NLRP1: variants seen among roughly 807,000 people sequenced by gnomAD.
NLRP1 encodes NACHT, LRR and PYD domains-containing protein 1.
NLRP1 carries 94 observed loss-of-function variants against 136.7 expected under a neutral mutation model. The observed-to-expected ratio is 0.69, with a 90% CI of 0.58 to 0.82. The LOEUF is 0.82. Ranked by LOEUF, NLRP1 falls within the 40% of genes least tolerant of loss-of-function variation. The pLI is 0.00. For synonymous variants in NLRP1, 690 were observed against 725.1 expected (o/e 0.95, Z 0.78); for missense variants, 1,575 against 1,802.7 (o/e 0.87, Z 2.29).
At chr17:5,505,925 A>T (rs1907309349) in intron 15 of NLRP1, 1 of 152,228 alleles carries the variant, frequency 6.6e-6, no homozygotes, top group Non-Finnish European at 1.5e-5. Flanking sequence ...GATCTTCCTC[A>T]GAGAGAATAG....
In NLRP1 at chr17:5,559,713, C is replaced by A. The variant is rs202119862; in HGVS notation, c.983G>T (p.Arg328Leu). Residue 328 changes from arginine (R) to leucine (L), a missense_variant, in exon 4 of 17, where the codon CGC becomes CTC. Transcript: ENST00000572272. ...FGPGLDTQEP[R>L]IVILQGAAGI... ...AGCAGCCCCCTGCAGTATGACTATG[C>A]GAGGTTCTTGGGTATCCAGGCCTGG... The A allele has an allele frequency of 3.7e-6, 6 of 1,614,118 alleles. No homozygotes were observed. In the African/African-American group the frequency reaches 5.3e-5, roughly 14 times the overall value.
downstream of NLRP1, chr17:5,512,185 T>G: frequency 3.4e-6 from 4 of 1,175,494 alleles, no homozygotes; most frequent in Admixed American, 6.8e-5. Flanking sequence ...AGGGCAATCT[T>G]TCTTTAAATG....
chr17:5,582,143 A>G (rs556277514), intron 2 of NLRP1, 81 bp from the exon 3 acceptor site: 7 of 1,099,126 alleles, frequency 6.4e-6, no homozygotes, highest in Non-Finnish European at 8.0e-6. Context: ...CTCTCACAAC[A>G]GTCCTGAGAG....
intron 3 of NLRP1, among the ~76,000 whole-genome samples, chr17:5,579,592 C>G (rs767087577): frequency 3.9e-5 from 6 of 152,150 alleles, no homozygotes; most frequent in Non-Finnish European, 7.3e-5. Flanking sequence ...TGGGTATATA[C>G]CCAAAGGAAT....
chr17:5,549,902 G>A (rs1054239740), intron 5 of NLRP1, among the ~76,000 whole-genome samples: 2 of 152,152 alleles, frequency 1.3e-5, no homozygotes, highest in African/African-American at 2.4e-5. Context: ...TGTTTCCAAT[G>A]TGAAAAGGTG....
Position 5,514,931 on chromosome 17 carries a change from C to CCTCTCGTA in NLRP1, c.4237_4244dup (p.Arg1415SerfsTer21), listed in dbSNP as rs773267414. The CCTCTCGTA allele has an allele frequency of 2.5e-6, 4 of 1,614,198 alleles. No homozygotes were observed. In the African/African-American group the frequency reaches 5.3e-5, roughly 22 times the overall value. ...TGGGCCTCGTGTTCTCAGCCAGCAC[C>CCTCTCGTA]CTCTCGTACTGCTCCTGGCTCAGCA... On this transcript the variant is annotated frameshift_variant, in exon 17 of 17. Coordinates refer to ENST00000572272, the MANE Select transcript of NLRP1 (RefSeq NM_033004.4). LOFTEE classifies it low-confidence loss of function (END_TRUNC).
chr17:5,503,908 C>T (rs773576147), intron 15 of NLRP1: 6 of 152,230 alleles, frequency 3.9e-5, no homozygotes, highest in Non-Finnish European at 5.9e-5. Flanking sequence ...ACATACCCCT[C>T]TCAGAGGTGA....
chr17:5,565,597 A>G (rs1915245730), intron 3 of NLRP1, among the ~76,000 whole-genome samples: 1 of 152,192 alleles, frequency 6.6e-6, no homozygotes, highest in Non-Finnish European at 1.5e-5. Context: ...GTTTTCTTGT[A>G]GTAGCTTCAT....
At chr17:5,505,735 G>A (rs8067346) in intron 15 of NLRP1, 92,685 of 152,188 alleles carry the variant, frequency 0.61, 30,860 homozygotes, top group East Asian at 0.97. Flanking sequence ...CTTCCTGGTC[G>A]TTGGTGAGGT....
At chr17:5,517,450 C>T (rs557611392) in intron 15 of NLRP1, among the ~76,000 whole-genome samples, 63 of 147,120 alleles carry the variant, frequency 4.3e-4, no homozygotes, top group African/African-American at 1.5e-3. Context: ...TGCAGTGGTG[C>T]GATCTCAGCT....
At chr17:5,544,531 A>C (rs973572773) in intron 5 of NLRP1, among the ~76,000 whole-genome samples, 3 of 152,200 alleles carry the variant, frequency 2.0e-5, no homozygotes, top group African/African-American at 7.2e-5. Context: ...CACCATGTGC[A>C]CATGCTGAGC....
intron 14 of NLRP1, chr17:5,518,571 C>CTTTTTTTTTTTTTTTTT: frequency 7.1e-6 from 1 of 139,928 alleles, no homozygotes; most frequent in Non-Finnish European, 1.5e-5. Flanking sequence ...TTTTTTGTTT[C>CTTTTTTTTTTTTTTTTT]TTTTTTTTTT....
chr17:5,571,879 T>G (rs551710116), intron 3 of NLRP1, among the ~76,000 whole-genome samples: 1 of 152,214 alleles, frequency 6.6e-6, no homozygotes, highest in African/African-American at 2.4e-5. Flanking sequence ...CAAAACGGCA[T>G]GCTACTGGTA....
intron 12 of NLRP1, among the ~76,000 whole-genome samples, chr17:5,529,588 A>G (rs4790776): frequency 0.85 from 128,627 of 152,106 alleles, 54,635 homozygotes; most frequent in African/African-American, 0.93. Flanking sequence ...GGATGGTCGC[A>G]ATCTCCTGAC....
intron 8 of NLRP1, among the ~76,000 whole-genome samples, chr17:5,536,642 T>C (rs538998615): frequency 6.6e-6 from 1 of 152,180 alleles, no homozygotes; most frequent in South Asian, 2.1e-4. Flanking sequence ...TACTTTTTCA[T>C]GTTTTCCTTT....
chr17:5,575,564 G>A (rs905174520), intron 3 of NLRP1, among the ~76,000 whole-genome samples: 4 of 152,188 alleles, frequency 2.6e-5, no homozygotes, highest in Non-Finnish European at 4.4e-5. Context: ...AATTCAACAA[G>A]AAGAGCTAAC....
intron 15 of NLRP1, among the ~76,000 whole-genome samples, chr17:5,507,146 A>G (rs560942743): frequency 6.6e-6 from 1 of 152,270 alleles, no homozygotes; most frequent in South Asian, 2.1e-4. Flanking sequence ...ATTAAGGAAG[A>G]TGAAAAAATT....
At chr17:5,513,919 C>T (rs911611375), downstream of NLRP1, among the ~76,000 whole-genome samples, 20 of 152,166 alleles carry the variant, frequency 1.3e-4, no homozygotes, top group African/African-American at 3.9e-4. Flanking sequence ...TTCCCACCAG[C>T]GCCATGACAG....
intron 12 of NLRP1, 59 bp from the exon 13 acceptor site, chr17:5,521,845 A>T: frequency 2.0e-6 from 3 of 1,486,974 alleles, no homozygotes; most frequent in Non-Finnish European, 2.7e-6. Context: ...TTTTGTTGAG[A>T]CAGAGTTTCG....
Sources: allele counts gnomAD v4.1 joint callset (sites outside exome capture counted in the v4.1 genomes callset), GRCh38; gene constraint gnomAD v4.1.1; transcripts MANE v1.5; gene names NCBI Gene and HGNC (gene_info 2026-07-23, HGNC 2026-07-21).